UVRAG: variants seen among roughly 807,000 people sequenced by gnomAD.
UVRAG encodes UV radiation resistance associated.
Under a neutral mutation model 78.0 loss-of-function variants are expected in UVRAG, and 19 were observed. The ratio of observed to expected loss-of-function variants is 0.24; its 90% confidence interval spans 0.17 to 0.36. The LOEUF is 0.36. UVRAG is among the 10% of genes least tolerant of loss of function. The pLI is 1.00. For synonymous variants in UVRAG, 323 were observed against 324.6 expected (o/e 1.00, Z 0.05); for missense variants, 740 against 853.8 (o/e 0.87, Z 1.66).
chr11:75,846,886 T>C (rs1946045587), intron 1 of UVRAG, among the ~76,000 whole-genome samples: 1 of 152,086 alleles, frequency 6.6e-6, no homozygotes, highest in South Asian at 2.1e-4. Context: ...TGCAGTGACA[T>C]GATCTCAGCT....
At chr11:75,942,412 CT>C (rs1308016875) in intron 6 of UVRAG, 1 of 152,278 alleles carries the variant, frequency 6.6e-6, no homozygotes, top group Non-Finnish European at 1.5e-5. Flanking sequence ...ATGGTGGAAG[CT>C]TTTGCCTCTT....
rs1950901404 is a variant in UVRAG, at chr11:76,053,164, G to A, written c.1227-12546G>A. On this transcript the variant is annotated intron_variant, in intron 12 of 14. Coordinates refer to ENST00000356136, the MANE Select transcript of UVRAG (RefSeq NM_003369.4). Reference sequence around the variant, plus strand: ...CTACTAAAAATACAAAAATTAGCTGGGTATGGTGGTGTACACCTGTAATCC... The same window carrying A: ...CTACTAAAAATACAAAAATTAGCTGAGTATGGTGGTGTACACCTGTAATCC... Among the ~76,000 whole-genome samples, 3 of 151,538 alleles carry A rather than the reference G, an allele frequency of 2.0e-5. No individual in the cohort carries two copies. In the South Asian group the frequency reaches 6.3e-4, roughly 32 times the overall value.
intron 12 of UVRAG, among the ~76,000 whole-genome samples, 183 bp downstream of exon 12, chr11:76,017,163 T>G (rs1363783719): frequency 6.6e-6 from 1 of 152,180 alleles, no homozygotes; most frequent in African/African-American, 2.4e-5. Flanking sequence ...TAAATTTTAA[T>G]GACTCAACCC....
intron 2 of UVRAG, 98 bp downstream of exon 2, chr11:75,852,098 C>T (rs1376775375): frequency 1.4e-5 from 11 of 771,730 alleles, no homozygotes; most frequent in African/African-American, 5.3e-5. Context: ...TGTGGCTTCT[C>T]GGAAACCTAA....
At position 76,013,871 on chromosome 11, in the gene UVRAG, A is replaced by G. The variant is rs777782029; in HGVS notation, c.1061-2944A>G. Among the ~76,000 whole-genome samples the G allele has an allele frequency of 4.7e-4, 71 of 152,308 alleles. 1 individual carries two copies. Among genetic ancestry groups the G allele is most frequent in the South Asian group, 2.1e-3 (10 of 4,828 alleles). ...AAATGCTTTTTAATATAAAGGTTCA[A>G]TATTGGAAATCTAACACCACAGTGT... On this transcript the variant is annotated intron_variant, in intron 11 of 14. Transcript: ENST00000356136.
intron 13 of UVRAG, among the ~76,000 whole-genome samples, chr11:76,097,482 C>A (rs953105721): frequency 2.6e-5 from 4 of 152,182 alleles, no homozygotes; most frequent in African/African-American, 9.6e-5. Context: ...CTTTTCTGAA[C>A]CTTCTAGTCT....
At chr11:76,023,870 G>A (rs1565124689) in intron 12 of UVRAG, among the ~76,000 whole-genome samples, 1 of 152,056 alleles carries the variant, frequency 6.6e-6, no homozygotes, top group Non-Finnish European at 1.5e-5. Flanking sequence ...TGTTTCCCTG[G>A]AGGGATAGGT....
chr11:75,967,060 AG>A (rs1949037205), intron 7 of UVRAG, among the ~76,000 whole-genome samples: 1 of 152,162 alleles, frequency 6.6e-6, no homozygotes, highest in African/African-American at 2.4e-5. Flanking sequence ...GCCACAGAAA[AG>A]GGGAATTTCA....
chr11:75,894,597 C>T (rs975781279), intron 5 of UVRAG, among the ~76,000 whole-genome samples: 2 of 151,938 alleles, frequency 1.3e-5, no homozygotes, highest in Non-Finnish European at 2.9e-5. Flanking sequence ...TGTTGGCTCA[C>T]ACCTGTAATC....
chr11:76,066,607 G>A (rs55930334), intron 13 of UVRAG, among the ~76,000 whole-genome samples: 45 of 152,172 alleles, frequency 3.0e-4, no homozygotes, highest in African/African-American at 1.1e-3. Context: ...CAAGTAGGTG[G>A]GATTACAGGC....
intron 11 of UVRAG, among the ~76,000 whole-genome samples, chr11:76,016,497 TA>T (rs1950147678): frequency 6.6e-6 from 1 of 152,176 alleles, no homozygotes; most frequent in South Asian, 2.1e-4. Flanking sequence ...ACTCAAGTAT[TA>T]ATTCATCCTG....
chr11:76,105,934 A>G (rs1951960038), intron 13 of UVRAG, among the ~76,000 whole-genome samples: 1 of 152,200 alleles, frequency 6.6e-6, no homozygotes. Context: ...AGTAGTTCGC[A>G]TTTTAAAAAT....
At chr11:75,848,601 G>A (rs1425854390) in intron 1 of UVRAG, among the ~76,000 whole-genome samples, 3 of 152,242 alleles carry the variant, frequency 2.0e-5, no homozygotes, top group African/African-American at 2.4e-5. Flanking sequence ...TTCGATCTCC[G>A]TCCAAGCCCT....
rs572124915 is a variant in UVRAG at position 76,037,300 on chromosome 11, C to T, written c.1226+20320C>T. 2.0e-5 allele frequency among the ~76,000 whole-genome samples: 3 copies of T among 152,196 alleles called. No homozygotes were observed. The East Asian group carries it at 5.8e-4, about 29-fold the overall frequency. Reference sequence around the variant, plus strand: ...CATTTAAAAAGCTTTCCACATAACTCACCCATTAACAGATTAAGAAAAATA... The same window carrying T: ...CATTTAAAAAGCTTTCCACATAACTTACCCATTAACAGATTAAGAAAAATA... On this transcript the variant is annotated intron_variant, in intron 12 of 14. Coordinates refer to ENST00000356136, the MANE Select transcript of UVRAG (RefSeq NM_003369.4).
chr11:75,880,801 C>T lies in UVRAG; in HGVS notation c.432+761C>T, dbSNP rs1048699643. 3.6e-4 allele frequency among the ~76,000 whole-genome samples: 55 copies of T among 151,876 alleles called. 1 individual carries two copies. The highest frequency in any genetic ancestry group is 3.2e-3 in the Admixed American group (49 of 15,246). ...AACTCCTGAGCTCAGGTAATACACC[C>T]GCCTCGGCCTCCCAAAGTGCTGGGA... On this transcript the variant is annotated intron_variant, in intron 4 of 14. Transcript: ENST00000356136.
At chr11:76,089,469 T>C (rs908829043) in intron 13 of UVRAG, among the ~76,000 whole-genome samples, 3 of 152,152 alleles carry the variant, frequency 2.0e-5, no homozygotes, top group Non-Finnish European at 4.4e-5. Context: ...ATTGACAGTA[T>C]AGGAGAGATG....
intron 6 of UVRAG, among the ~76,000 whole-genome samples, chr11:75,917,105 T>C (rs533107532): frequency 6.6e-6 from 1 of 152,364 alleles, no homozygotes; most frequent in South Asian, 2.1e-4. Context: ...GGGACTGTTA[T>C]CATCTTTATT....
intron 3 of UVRAG, among the ~76,000 whole-genome samples, chr11:75,869,195 T>C (rs1427392732): frequency 6.6e-6 from 1 of 152,190 alleles, no homozygotes; most frequent in Non-Finnish European, 1.5e-5. Flanking sequence ...CTTCCACTGA[T>C]TAAGTCTGCT....
At chr11:75,916,351 A>G (rs999709421) in intron 6 of UVRAG, 2 of 152,254 alleles carry the variant, frequency 1.3e-5, no homozygotes, top group African/African-American at 4.8e-5. Context: ...GAATTAAATA[A>G]GATAAAATAT....
Sources: gnomAD v4.1 joint callset for allele counts (sites outside exome capture counted in the v4.1 genomes callset) on GRCh38, gnomAD v4.1.1 for gene constraint, MANE v1.5 for transcripts, NCBI Gene and HGNC (gene_info 2026-07-23, HGNC 2026-07-21) for gene names.